Variants in CRYL1 observed in about 807,000 individuals in gnomAD.
CRYL1 encodes crystallin lambda 1.
CRYL1 carries 29 observed loss-of-function variants against 36.6 expected under a neutral mutation model. The observed-to-expected ratio is 0.79, with a 90% CI of 0.59 to 1.08. The LOEUF is 1.08. Ranked by LOEUF, CRYL1 falls within the 50% of genes least tolerant of loss-of-function variation. The pLI, the probability that CRYL1 is intolerant of heterozygous loss-of-function variation, is 0.00. For missense variants in CRYL1, 411 were observed against 407.9 expected, an observed-to-expected ratio of 1.01 and a Z score of -0.06; for synonymous variants, 152 against 151.5, an observed-to-expected ratio of 1.00 and a Z score of -0.02.
chr13:20,413,213 G>A, intron 6 of CRYL1, 69 bp downstream of exon 6: 2 of 1,089,322 alleles, frequency 1.8e-6, no homozygotes, highest in Non-Finnish European at 2.7e-6. Flanking sequence ...AAGGCAAAAT[G>A]TGACTGTTTA....
chr13:20,482,429 C>T (rs1276285583), intron 3 of CRYL1, among the ~76,000 whole-genome samples: 2 of 152,216 alleles, frequency 1.3e-5, no homozygotes, highest in Non-Finnish European at 2.9e-5. Flanking sequence ...CTTTAATGTG[C>T]TTTAAAAGTC....
At chr13:20,458,523 A>G (rs1170895982) in intron 3 of CRYL1, among the ~76,000 whole-genome samples, 1 of 152,250 alleles carries the variant, frequency 6.6e-6, no homozygotes, top group African/African-American at 2.4e-5. Context: ...AAGTAAAAAG[A>G]AAATGCTAAC....
At chr13:20,443,124 T>G (rs778172582) in intron 3 of CRYL1, among the ~76,000 whole-genome samples, 2 of 152,174 alleles carry the variant, frequency 1.3e-5, no homozygotes, top group Non-Finnish European at 2.9e-5. Context: ...ATTTATAAAC[T>G]TCAGTGTTTT....
chr13:20,518,236 A>G (rs1313522904), intron 1 of CRYL1, among the ~76,000 whole-genome samples: 2 of 152,190 alleles, frequency 1.3e-5, no homozygotes, highest in Non-Finnish European at 2.9e-5. Context: ...GTAGGTAGGC[A>G]GACAACAAAC....
chr13:20,465,856 G>A (rs2032920830), intron 3 of CRYL1, among the ~76,000 whole-genome samples: 1 of 151,926 alleles, frequency 6.6e-6, no homozygotes, highest in Non-Finnish European at 1.5e-5. Context: ...TTTGGGTCAT[G>A]GGGGTGGATC....
chr13:20,434,218 A>G (rs1262083694), intron 4 of CRYL1, among the ~76,000 whole-genome samples: 1 of 152,210 alleles, frequency 6.6e-6, no homozygotes, highest in Non-Finnish European at 1.5e-5. Context: ...AGGTGAGGCC[A>G]GCTGGACTCC....
At chr13:20,463,233 T>C (rs1164636106) in intron 3 of CRYL1, among the ~76,000 whole-genome samples, 1 of 152,184 alleles carries the variant, frequency 6.6e-6, no homozygotes, top group African/African-American at 2.4e-5. Flanking sequence ...TAATATATGC[T>C]CATTGTCAAA....
chr13:20,465,316 TGCTGAGTGACTCTGGGCAA>T (rs1170884776), intron 3 of CRYL1, among the ~76,000 whole-genome samples: 22 of 152,326 alleles, frequency 1.4e-4, no homozygotes, highest in African/African-American at 5.1e-4. Context: ...CCCCACTCCC[TGCTGAGTGACTCTGGGCAA>T]GTCACTTGAC....
At position 20,403,839 on chromosome 13, in the gene CRYL1, A is replaced by C; in HGVS notation, c.*290T>G. On this transcript the variant is annotated 3_prime_UTR_variant, in exon 8 of 8. Coordinates refer to ENST00000298248, the MANE Select transcript of CRYL1 (RefSeq NM_015974.3). Reference sequence around the variant, plus strand: ...AATCACTGGCTGTAAAATATAGTCAAATGCAATCAAGCTGAAAAGAAAAGG... The same window carrying C: ...AATCACTGGCTGTAAAATATAGTCACATGCAATCAAGCTGAAAAGAAAAGG... 1 of 264,930 alleles carries C rather than the reference A, an allele frequency of 3.8e-6. No homozygotes were observed. Among genetic ancestry groups the C allele is most frequent in the Admixed American group, 5.3e-5 (1 of 18,930 alleles). 16.4% of individuals were successfully genotyped at this position (264,930 alleles called of 1,614,324 possible).
rs571078127 is a variant in CRYL1 at position 20,417,102 on chromosome 13, T to C, written c.634-3715A>G. Among the ~76,000 whole-genome samples, 3 of 152,360 alleles carry C rather than the reference T, an allele frequency of 2.0e-5. 1 individual carries two copies. Among genetic ancestry groups the C allele is most frequent in the South Asian group, 2.1e-4 (1 of 4,830 alleles). On this transcript the variant is annotated intron_variant, in intron 5 of 7. Transcript: ENST00000298248. ...AAGAAAAGGACCACAAGGCATTCAG[T>C]TGAGAAGCTCCACAACTAGGATATC...
At chr13:20,521,375 T>C (rs1175560796) in intron 1 of CRYL1, among the ~76,000 whole-genome samples, 4 of 152,208 alleles carry the variant, frequency 2.6e-5, no homozygotes, top group East Asian at 3.9e-4. Context: ...AGGGACCAGA[T>C]TGCACGGCCC....
intron 3 of CRYL1, among the ~76,000 whole-genome samples, chr13:20,459,679 G>C (rs755844727): frequency 6.6e-6 from 1 of 152,114 alleles, no homozygotes; most frequent in African/African-American, 2.4e-5. Flanking sequence ...GAGGGGAACA[G>C]ACATTGGGGC....
intron 3 of CRYL1, among the ~76,000 whole-genome samples, chr13:20,451,199 T>TA (rs2032564964): frequency 6.6e-6 from 1 of 151,764 alleles, no homozygotes; most frequent in South Asian, 2.1e-4. Flanking sequence ...TCCTAGAACT[T>TA]AAAGTATAAT....
chr13:20,470,359 C>A, intron 3 of CRYL1, among the ~76,000 whole-genome samples: 1 of 152,206 alleles, frequency 6.6e-6, no homozygotes, highest in Non-Finnish European at 1.5e-5. Context: ...GGAGACCACA[C>A]CAAGCTCTCC....
chr13:20,439,412 C>T (rs1343429488), intron 4 of CRYL1, among the ~76,000 whole-genome samples, 181 bp downstream of exon 4: 1 of 150,398 alleles, frequency 6.6e-6, no homozygotes, highest in African/African-American at 2.5e-5. Flanking sequence ...AACCACTGAA[C>T]TGCACAATTT....
chr13:20,420,878 G>GGC (rs1173358880), intron 5 of CRYL1, among the ~76,000 whole-genome samples: 3 of 151,622 alleles, frequency 2.0e-5, no homozygotes, highest in African/African-American at 7.3e-5. Context: ...TGGGACTACA[G>GGC]GCCCGCCACC....
At chr13:20,508,888 A>C (rs1342339397) in intron 2 of CRYL1, among the ~76,000 whole-genome samples, 1 of 129,388 alleles carries the variant, frequency 7.7e-6, no homozygotes, top group Non-Finnish European at 1.6e-5. Context: ...AAAAAAAAAA[A>C]CTGACAACAA....
At chr13:20,431,516 C>T (rs749804450) in intron 5 of CRYL1, 3 of 998,564 alleles carry the variant, frequency 3.0e-6, no homozygotes, top group Non-Finnish European at 3.6e-6. Flanking sequence ...CACGGCCCCT[C>T]ATGCAAATGT....
At chr13:20,497,104 G>A (rs2033617673) in intron 2 of CRYL1, among the ~76,000 whole-genome samples, 2 of 152,004 alleles carry the variant, frequency 1.3e-5, no homozygotes, top group Admixed American at 1.3e-4. Context: ...AATGAGGAGT[G>A]GGAGGTGACA....
Sources: gnomAD v4.1 joint callset for allele counts (sites outside exome capture counted in the v4.1 genomes callset) on GRCh38, gnomAD v4.1.1 for gene constraint, MANE v1.5 for transcripts, NCBI Gene and HGNC (gene_info 2026-07-23, HGNC 2026-07-21) for gene names.